The following TTC39C variants were observed in gnomAD, a reference collection of about 807,000 sequenced individuals.
The protein encoded by TTC39C is tetratricopeptide repeat domain 39C, also known as tetratricopeptide repeat protein 39C.
Under a neutral mutation model 76.3 loss-of-function variants are expected in TTC39C, and 33 were observed. The observed-to-expected ratio is 0.43, with a 90% CI of 0.33 to 0.58. The LOEUF is 0.58. Among genes scored for constraint, TTC39C ranks in the 20% least tolerant of loss-of-function variants. The probability of loss-of-function intolerance (pLI) is 0.04; values close to 1 mark genes in which losing one functional copy is unlikely to be tolerated. For missense variants in TTC39C, 595 were observed against 701.4 expected (o/e 0.85, Z 1.71); for synonymous variants, 254 against 260.6 (o/e 0.97, Z 0.24).
chr18:24,100,647 C>T (rs780385967), intron 6 of TTC39C, among the ~76,000 whole-genome samples: 2 of 152,196 alleles, frequency 1.3e-5, no homozygotes, highest in Non-Finnish European at 2.9e-5. Flanking sequence ...TAGTGTGTGG[C>T]ATTGTAGAGA....
At chr18:24,123,976 T>G in intron 9 of TTC39C, 33 bp downstream of exon 9, 1 of 1,494,140 alleles carries the variant, frequency 6.7e-7, no homozygotes, top group Non-Finnish European at 9.2e-7. Context: ...GGTGTATTAC[T>G]TATGATGGGC....
At chr18:24,101,536 C>T (rs1295132384) in intron 6 of TTC39C, among the ~76,000 whole-genome samples, 6 of 145,678 alleles carry the variant, frequency 4.1e-5, no homozygotes, top group Admixed American at 2.1e-4. Context: ...TCCAGCCTGG[C>T]GACAGAGCGA....
At position 24,066,060 on chromosome 18, in the gene TTC39C, G is replaced by T; in HGVS notation, c.265G>T (p.Asp89Tyr). 6.3e-7 allele frequency: 1 copy of T among 1,599,380 alleles called. No homozygotes were observed. The highest frequency in any genetic ancestry group is 1.1e-5 in the South Asian group (1 of 87,460). Residue 89 changes from aspartate to tyrosine, a missense_variant, in exon 3 of 14, where the codon GAC (aspartate) becomes TAC (tyrosine). By Grantham distance (160) the Asp-to-Tyr change is radical. Coordinates refer to ENST00000317571, the MANE Select transcript of TTC39C (RefSeq NM_001135993.2). ...EEEKMQLACD[D>Y]LKTTEKLCES... Reference sequence around the variant, plus strand: ...AGAAAAAATGCAGTTGGCATGTGATGACTTAAAAACCACAGAAAAACTGTG... The same window carrying T: ...AGAAAAAATGCAGTTGGCATGTGATTACTTAAAAACCACAGAAAAACTGTG...
chr18:24,118,405 C>T (rs1181062648), intron 8 of TTC39C, among the ~76,000 whole-genome samples, 173 bp downstream of exon 8: 1 of 152,148 alleles, frequency 6.6e-6, no homozygotes, highest in African/African-American at 2.4e-5. Flanking sequence ...ATACTGTGTT[C>T]ACTGACCCAG....
intron 6 of TTC39C, among the ~76,000 whole-genome samples, chr18:24,104,149 C>T (rs2084715300): frequency 6.6e-6 from 1 of 152,218 alleles, no homozygotes; most frequent in African/African-American, 2.4e-5. Context: ...CTGGGCTGGT[C>T]TTGAGCTCCT....
intron 12 of TTC39C, 67 bp from the exon 13 acceptor site, chr18:24,131,815 A>G: frequency 2.9e-6 from 4 of 1,387,674 alleles, no homozygotes; most frequent in East Asian, 2.3e-5. Flanking sequence ...ATAGCCTCCT[A>G]TTATACCATT....
chr18:24,027,848 T>C (rs1032050939), intron 1 of TTC39C, among the ~76,000 whole-genome samples: 1 of 151,876 alleles, frequency 6.6e-6, no homozygotes, highest in African/African-American at 2.4e-5. Context: ...GGTGAGCCAC[T>C]GCACCTGGCC....
chr18:23,999,025 C>G (rs72877812), intron 1 of TTC39C, among the ~76,000 whole-genome samples: 201 of 152,308 alleles, frequency 1.3e-3, no homozygotes, highest in Non-Finnish European at 2.6e-3. Flanking sequence ...TGCCTCAGGT[C>G]TCTGTGTGGC....
At position 24,004,712 on chromosome 18, in the gene TTC39C, G is replaced by A. The variant is rs574138084; in HGVS notation, c.-17+11674G>A. Among the ~76,000 whole-genome samples, 9 of 152,288 alleles carry A rather than the reference G, an allele frequency of 5.9e-5. No homozygotes were observed. In the East Asian group the frequency reaches 1.2e-3, roughly 20 times the overall value. On this transcript the variant is annotated intron_variant, in intron 1 of 13. Transcript: ENST00000304621. Reference sequence around the variant, plus strand: ...AATACAACTGTTCCTAGGCAAGGATGTGAGCATGATTTACCATGAAAATCA... The same window carrying A: ...AATACAACTGTTCCTAGGCAAGGATATGAGCATGATTTACCATGAAAATCA...
At chr18:24,044,487 G>A (rs1001574456) in intron 1 of TTC39C, among the ~76,000 whole-genome samples, 1 of 152,178 alleles carries the variant, frequency 6.6e-6, no homozygotes, top group Non-Finnish European at 1.5e-5. Context: ...CCGCTTTTGC[G>A]GCAGTTTAGT....
Position 24,114,612 on chromosome 18 carries a change from A to G in TTC39C, c.1043A>G (p.Gln348Arg). ...ACTGCTTTGGAACTTGCAGTAGACC[A>G]GAGAGAAATTCAACATGTCTGTCTG... ...FHTALELAVD[Q>R]REIQHVCLYE... Residue 348 changes from glutamine (Q) to arginine (R), a missense_variant, in exon 7 of 14, where the codon CAG becomes CGG. Coordinates refer to ENST00000317571, the MANE Select transcript of TTC39C (RefSeq NM_001135993.2). 6.2e-7 allele frequency: 1 copy of G among 1,614,014 alleles called. No individual in the cohort carries two copies. The highest frequency in any genetic ancestry group is 8.5e-7 in the Non-Finnish European group (1 of 1,179,944).
upstream of TTC39C, among the ~76,000 whole-genome samples, chr18:24,010,813 C>T (rs990301418): frequency 5.3e-5 from 8 of 152,110 alleles, no homozygotes; most frequent in East Asian, 3.9e-4. Context: ...TCTAAGAGGC[C>T]GAGGTGGGCG....
intron 6 of TTC39C, among the ~76,000 whole-genome samples, chr18:24,098,274 T>C (rs535830480): frequency 6.6e-6 from 1 of 152,228 alleles, no homozygotes; most frequent in South Asian, 2.1e-4. Context: ...CTGTCGTATA[T>C]AGCAAGCAGG....
chr18:24,125,444 G>T lies in TTC39C; in HGVS notation c.1314G>T (p.Lys438Asn). ...FSVKKAERFRKQTPTKALCVL... is the reference protein window; with the variant it reads ...FSVKKAERFRNQTPTKALCVL... ...CCTTGCAGGCAGAGCGATTTCGGAA[G>T]CAAACCCCAACCAAAGCGCTCTGTG... Residue 438 changes from lysine to asparagine, a missense_variant, in exon 10 of 14, where the codon AAG (lysine) becomes AAT (asparagine). Physicochemically the swap from Lys to Asn is moderately conservative, Grantham distance 94 (BLOSUM62 0). Coordinates refer to ENST00000317571, the MANE Select transcript of TTC39C (RefSeq NM_001135993.2). 6.2e-7 allele frequency: 1 copy of T among 1,614,152 alleles called. No individual in the cohort carries two copies. The highest frequency in any genetic ancestry group is 8.5e-7 in the Non-Finnish European group (1 of 1,180,012).
At chr18:24,012,865 ACACACACACACACACACACACG>A (rs2083404053), upstream of TTC39C, 1 of 151,988 alleles carries the variant, frequency 6.6e-6, no homozygotes, top group South Asian at 2.1e-4. Context: ...ACACACACAC[ACACACACACACACACACACACG>A]CATAAATTTA....
At chr18:24,030,648 CTTTTTTT>C (rs1167104790) in intron 1 of TTC39C, among the ~76,000 whole-genome samples, 1 of 89,042 alleles carries the variant, frequency 1.1e-5, no homozygotes, top group East Asian at 4.0e-4. Context: ...AAAGATAGGC[CTTTTTTT>C]TTTTTTTTTT....
At chr18:23,997,692 A>AAGAT (rs2083278293) in intron 1 of TTC39C, among the ~76,000 whole-genome samples, 3 of 150,438 alleles carry the variant, frequency 2.0e-5, no homozygotes, top group Admixed American at 1.3e-4. Context: ...GAAAGAAAGA[A>AAGAT]AGAAAGAAAG....
intron 11 of TTC39C, among the ~76,000 whole-genome samples, chr18:24,129,929 T>A (rs2085102769): frequency 6.6e-6 from 1 of 152,242 alleles, no homozygotes; most frequent in Non-Finnish European, 1.5e-5. Flanking sequence ...AATGCTTATG[T>A]GCTAGCAAGA....
At chr18:24,029,077 A>G (rs1048844955) in intron 1 of TTC39C, among the ~76,000 whole-genome samples, 1 of 144,574 alleles carries the variant, frequency 6.9e-6, no homozygotes, top group African/African-American at 2.6e-5. Flanking sequence ...TGCTTGTATA[A>G]ATAGATGTGT....
Sources: allele counts gnomAD v4.1 joint callset (sites outside exome capture counted in the v4.1 genomes callset), GRCh38; gene constraint gnomAD v4.1.1; transcripts MANE v1.5; gene names NCBI Gene and HGNC (gene_info 2026-07-23, HGNC 2026-07-21).